Variants in PLSCR4 observed in about 807,000 individuals in gnomAD.
The protein encoded by PLSCR4 is phospholipid scramblase 4.
A neutral mutation model predicts 36.3 loss-of-function variants in PLSCR4; 25 were observed. The observed-to-expected ratio is 0.69, with a 90% CI of 0.50 to 0.96. The LOEUF is 0.96. PLSCR4 is among the 40% of genes least tolerant of loss of function. The probability of loss-of-function intolerance (pLI) is 0.00; values close to 1 mark genes in which losing one functional copy is unlikely to be tolerated. For missense variants in PLSCR4, 408 were observed against 414.7 expected, an observed-to-expected ratio of 0.98 and a Z score of 0.14; for synonymous variants, 122 against 132.9, an observed-to-expected ratio of 0.92 and a Z score of 0.56.
At chr3:146,198,909 GAA>G (rs941118412) in intron 6 of PLSCR4, among the ~76,000 whole-genome samples, 25 of 152,114 alleles carry the variant, frequency 1.6e-4, no homozygotes, top group African/African-American at 6.0e-4. Flanking sequence ...TAAGATTTCT[GAA>G]AAGAGAAAAT....
intron 5 of PLSCR4, among the ~76,000 whole-genome samples, chr3:146,200,701 T>C (rs2034000497): frequency 6.6e-6 from 1 of 152,086 alleles, no homozygotes; most frequent in African/African-American, 2.4e-5. Context: ...GACTGTGGTG[T>C]CCCTGGCTAA....
intron 1 of PLSCR4, among the ~76,000 whole-genome samples, chr3:146,223,402 C>T (rs1512888): frequency 0.73 from 110,537 of 152,084 alleles, 40,469 homozygotes; most frequent in South Asian, 0.77. Context: ...ATTCTTTTCA[C>T]ATATCTCTGA....
At chr3:146,221,010 T>C in intron 2 of PLSCR4, 85 bp from the exon 3 acceptor site, 1 of 742,574 alleles carries the variant, frequency 1.3e-6, no homozygotes, top group South Asian at 2.1e-5. Context: ...CTTATGGGAA[T>C]GCATCAAGAA....
chr3:146,244,631 A>C (rs1381096721), intron 1 of PLSCR4, among the ~76,000 whole-genome samples: 1 of 152,036 alleles, frequency 6.6e-6, no homozygotes, highest in Non-Finnish European at 1.5e-5. Flanking sequence ...GAACTTAGTA[A>C]GTGTTGTTGT....
In PLSCR4 at chr3:146,222,066, TG is replaced by T; in HGVS notation, c.5del (p.Ser2Ter). On this transcript the variant is annotated frameshift_variant and splice_region_variant, in exon 2 of 9. Transcript: ENST00000354952. LOFTEE classifies it high-confidence loss of function. ...TCAAATTTATTCACAAAAACTTACCTGACATTTTGAAGAATTCCAATTAATC... is the reference window on the plus strand; with the variant it reads ...TCAAATTTATTCACAAAAACTTACCTACATTTTGAAGAATTCCAATTAATC... M[S>X]GVVPTAPEQP... 8.2e-7 allele frequency: 1 copy of T among 1,224,324 alleles called. No individual in the cohort carries two copies. The highest frequency in any genetic ancestry group is 1.6e-5 in the South Asian group (1 of 62,882). The allele number at this position is 1,224,324 out of a possible 1,614,324, so 75.8% of individuals were successfully genotyped here.
intron 3 of PLSCR4, among the ~76,000 whole-genome samples, chr3:146,207,234 G>A (rs964322375): frequency 6.6e-6 from 1 of 152,098 alleles, no homozygotes; most frequent in Non-Finnish European, 1.5e-5. Flanking sequence ...TTTCAAAGGA[G>A]TGCTTTTAAT....
chr3:146,250,108 A>T (rs1459039804), intron 1 of PLSCR4, among the ~76,000 whole-genome samples: 1 of 152,212 alleles, frequency 6.6e-6, no homozygotes, highest in Non-Finnish European at 1.5e-5. Flanking sequence ...TAGAATTCAC[A>T]ACCATGTCAC....
At chr3:146,199,053 T>TA (rs1183648037) in intron 6 of PLSCR4, among the ~76,000 whole-genome samples, 1 of 152,124 alleles carries the variant, frequency 6.6e-6, no homozygotes, top group Admixed American at 6.6e-5. Flanking sequence ...GAGACGGTTG[T>TA]AAAAAATTAA....
chr3:146,225,597 T>C (rs59965250), intron 1 of PLSCR4, among the ~76,000 whole-genome samples: 57,037 of 152,028 alleles, frequency 0.38, 10,873 homozygotes, highest in African/African-American at 0.44. Flanking sequence ...AGCTAAGGCT[T>C]GGTGAGAAAT....
intron 5 of PLSCR4, 101 bp downstream of exon 5, chr3:146,200,934 G>A (rs578022638): frequency 9.8e-6 from 7 of 717,660 alleles, no homozygotes; most frequent in Admixed American, 3.1e-5. Context: ...TTTTCTTTGA[G>A]CCACTAAAAC....
intron 5 of PLSCR4, among the ~76,000 whole-genome samples, chr3:146,200,634 C>A (rs2033995773): frequency 6.6e-6 from 1 of 152,038 alleles, no homozygotes; most frequent in Non-Finnish European, 1.5e-5. Flanking sequence ...TCCAGCTCTG[C>A]CACTGATTAG....
At chr3:146,201,226 A>T (rs2034031799) in intron 4 of PLSCR4, 149 bp from the exon 5 acceptor site, 1 of 537,146 alleles carries the variant, frequency 1.9e-6, no homozygotes, top group East Asian at 3.4e-5. Context: ...AATTTTACCA[A>T]CTGAAATTAG....
chr3:146,232,255 A>G (rs1412167301), intron 1 of PLSCR4, among the ~76,000 whole-genome samples: 1 of 152,180 alleles, frequency 6.6e-6, no homozygotes, highest in Non-Finnish European at 1.5e-5. Context: ...TTTATAATAC[A>G]GTTTGAAGTC....
At chr3:146,220,163 AT>A (rs1049197036) in intron 3 of PLSCR4, among the ~76,000 whole-genome samples, 9 of 152,220 alleles carry the variant, frequency 5.9e-5, no homozygotes, top group African/African-American at 1.9e-4. Context: ...GGCACTTTTA[AT>A]TTTTAAAATT....
chr3:146,217,199 T>G (rs918826521), intron 3 of PLSCR4, among the ~76,000 whole-genome samples: 2 of 152,116 alleles, frequency 1.3e-5, no homozygotes, highest in African/African-American at 4.8e-5. Flanking sequence ...AGCAAGTAAT[T>G]GACATAATCA....
At chr3:146,225,797 T>G (rs2035447670) in intron 1 of PLSCR4, among the ~76,000 whole-genome samples, 1 of 152,104 alleles carries the variant, frequency 6.6e-6, no homozygotes, top group Admixed American at 6.5e-5. Flanking sequence ...CGGTTGCCGC[T>G]GGCGCCTCTC....
chr3:146,233,802 C>T (rs1231197894), intron 1 of PLSCR4, among the ~76,000 whole-genome samples: 1 of 152,066 alleles, frequency 6.6e-6, no homozygotes, highest in African/African-American at 2.4e-5. Context: ...ACAAAACAAA[C>T]CCTACTGAAA....
chr3:146,245,280 C>T (rs1161215184), intron 1 of PLSCR4, among the ~76,000 whole-genome samples: 1 of 151,984 alleles, frequency 6.6e-6, no homozygotes, highest in African/African-American at 2.4e-5. Context: ...AAATTTTACC[C>T]CATTCAGATA....
chr3:146,209,554 G>A (rs2034515886), intron 3 of PLSCR4, among the ~76,000 whole-genome samples: 1 of 151,998 alleles, frequency 6.6e-6, no homozygotes, highest in African/African-American at 2.4e-5. Flanking sequence ...TTTTTTTAAA[G>A]TCAAAGAATT....
Sources: gnomAD v4.1 joint callset for allele counts (sites outside exome capture counted in the v4.1 genomes callset) on GRCh38, gnomAD v4.1.1 for gene constraint, MANE v1.5 for transcripts, NCBI Gene and HGNC (gene_info 2026-07-23, HGNC 2026-07-21) for gene names.